Variants in M6PR observed in about 807,000 individuals in gnomAD.
M6PR encodes the protein cation-dependent mannose-6-phosphate receptor.
A neutral mutation model predicts 33.1 loss-of-function variants in M6PR; 19 were observed. The ratio of observed to expected loss-of-function variants is 0.57; its 90% CI spans 0.40 to 0.84. The LOEUF (loss-of-function observed/expected upper bound fraction) is 0.84, where lower values mean the gene tolerates loss of function less well. M6PR is among the 40% of genes least tolerant of loss of function. M6PR has a pLI of 0.00. For synonymous variants in M6PR, 111 were observed against 123.4 expected (o/e 0.90, Z 0.67); for missense variants, 295 against 336.0 (o/e 0.88, Z 0.95).
intron 3 of M6PR, chr12:8,945,199 A>AT: frequency 2.2e-6 from 1 of 464,320 alleles, no homozygotes; most frequent in East Asian, 3.7e-5. Flanking sequence ...TTCATTTTGC[A>AT]TAAGTTTTTC....
Position 8,946,320 on chromosome 12 carries a change from C to G in M6PR, c.85G>C (p.Glu29Gln). Residue 29 changes from glutamate (E) to glutamine (Q), a missense_variant, in exon 2 of 7, where the codon GAA becomes CAA. By Grantham distance (29) the Glu-to-Gln change is conservative (BLOSUM62 2). Transcript: ENST00000000412. ...VAVRESWQTEEKTCDLVGEKG... is the reference protein window; with the variant it reads ...VAVRESWQTEQKTCDLVGEKG... ...TCTCCTACCAAGTCGCAAGTTTTTT[C>G]TTCTGTCTGCCAGGATTCTCTCACT... The G allele has an allele frequency of 6.2e-7, 1 of 1,614,144 alleles. No homozygotes were observed. The highest frequency in any genetic ancestry group is 8.5e-7 in the Non-Finnish European group (1 of 1,180,014).
At chr12:8,947,651 A>C (rs1473879913) in intron 1 of M6PR, among the ~76,000 whole-genome samples, 3 of 152,220 alleles carry the variant, frequency 2.0e-5, no homozygotes, top group Non-Finnish European at 4.4e-5. Flanking sequence ...ATTAATCCTC[A>C]CAACCTTATG....
chr12:8,943,355 TAAAAA>T (rs768254608), intron 5 of M6PR, 45 bp downstream of exon 5: 1 of 1,610,160 alleles, frequency 6.2e-7, no homozygotes, highest in South Asian at 1.1e-5. Context: ...TTACTGACCT[TAAAAA>T]CAAAAGGAAG....
chr12:8,944,010 GT>G, intron 3 of M6PR, 100 bp from the exon 4 acceptor site: 1 of 786,078 alleles, frequency 1.3e-6, no homozygotes, highest in Non-Finnish European at 2.2e-6. Context: ...ATTGCAATTG[GT>G]TATAACTAAA....
At position 8,946,282 on chromosome 12, in the gene M6PR, C is replaced by T. The variant is rs1259612933; in HGVS notation, c.123G>A (p.Glu41=). 2 of 1,614,216 alleles carry T rather than the reference C, an allele frequency of 1.2e-6. No individual in the cohort carries two copies. The highest frequency in any genetic ancestry group is 1.7e-5 in the Admixed American group (1 of 60,028). ...TCACTAGAGCCAACTCTTTCTCTGA[C>T]TCTTTACCCTTTTCTCCTACCAAGT... is the stretch of plus-strand genomic sequence containing the variant. ...TCDLVGEKGK[E]SEKELALVKR... is the part of the protein sequence containing the mutation. The change falls in exon 2 of 7, where the codon GAG becomes GAA. Residue 41 remains glutamate (E), a synonymous_variant. Coordinates refer to ENST00000000412, the MANE Select transcript of M6PR (RefSeq NM_002355.4).
intron 3 of M6PR, 152 bp downstream of exon 3, chr12:8,945,266 A>AG (rs1946077302): frequency 2.8e-6 from 2 of 706,702 alleles, no homozygotes; most frequent in African/African-American, 3.6e-5. Context: ...CTGTGGAATT[A>AG]GGCATCCTGT....
chr12:8,941,612 C>A lies in M6PR; in HGVS notation c.*206G>T, dbSNP rs899123752. On this transcript the variant is annotated 3_prime_UTR_variant, in exon 7 of 7. Coordinates refer to ENST00000000412, the MANE Select transcript of M6PR (RefSeq NM_002355.4). ...CTATTATATTAACTCTGACTTACAA[C>A]TGTACCTCTCTAGAGAAAAAACAGA... 1.6e-5 allele frequency: 9 copies of A among 578,778 alleles called. No homozygotes were observed. The African/African-American group carries it at 1.7e-4, about 11-fold the overall frequency. 35.9% of individuals were successfully genotyped at this position (578,778 alleles called of 1,614,324 possible). A position where few individuals can be genotyped will look rare whatever the true frequency, so the allele number is the denominator to read the frequency against.
chr12:8,946,366 T>A lies in M6PR; in HGVS notation c.39A>T (p.Leu13=), dbSNP rs769178316. Reference sequence around the variant, plus strand: ...TCACTGCCACAGCCAGGAGTAGTAGTAGCAGTCCAGTCCTCCAGCAGCTGT... The same window carrying A: ...TCACTGCCACAGCCAGGAGTAGTAGAAGCAGTCCAGTCCTCCAGCAGCTGT... The part of the protein sequence containing the change: ...PFYSCWRTGL[L]LLLLAVAVRE... Residue 13 remains leucine, a synonymous_variant, in exon 2 of 7, where the codon CTA becomes CTT. Coordinates refer to ENST00000000412, the MANE Select transcript of M6PR (RefSeq NM_002355.4). 1.2e-6 allele frequency: 2 copies of A among 1,614,012 alleles called. No individual in the cohort carries two copies. Among genetic ancestry groups the A allele is most frequent in the Non-Finnish European group, 1.7e-6 (2 of 1,179,972 alleles).
chr12:8,944,191 C>A (rs1164159947), intron 3 of M6PR, among the ~76,000 whole-genome samples: 1 of 152,082 alleles, frequency 6.6e-6, no homozygotes, highest in East Asian at 1.9e-4. Flanking sequence ...ATGATCCATA[C>A]CTTAACACTG....
Position 8,949,203 on chromosome 12 carries a change from A to T in M6PR, c.-2+285T>A, listed in dbSNP as rs941341914. ...CAAAATTCCTCCTACAAATAAATCC[A>T]CCAACACCTCCAACGGACTCCATAC... On this transcript the variant is annotated intron_variant, in intron 1 of 6. Coordinates refer to ENST00000000412, the MANE Select transcript of M6PR (RefSeq NM_002355.4). This position sits in a 1 kb window ranked among gnomAD's most constrained non-coding sequence, Gnocchi z 5.6. Among the ~76,000 whole-genome samples the T allele has an allele frequency of 6.6e-6, 1 of 151,684 alleles. No homozygotes were observed. Among genetic ancestry groups the T allele is most frequent in the African/African-American group, 2.4e-5 (1 of 41,278 alleles).
intron 3 of M6PR, 42 bp from the exon 4 acceptor site, chr12:8,943,952 A>G (rs747281005): frequency 7.6e-6 from 10 of 1,320,316 alleles, no homozygotes; most frequent in Non-Finnish European, 8.7e-6. Flanking sequence ...GGTGGGGGAA[A>G]AGCAGAGGCA....
At chr12:8,942,261 GTAC>G in intron 6 of M6PR, 152 bp downstream of exon 6, 1 of 986,202 alleles carries the variant, frequency 1.0e-6, no homozygotes, top group Non-Finnish European at 1.5e-6. Context: ...TTACTACTCT[GTAC>G]TAGGGCAACT....
intron 1 of M6PR, among the ~76,000 whole-genome samples, chr12:8,947,325 G>C (rs1297916333): frequency 6.6e-6 from 1 of 152,092 alleles, no homozygotes; most frequent in Admixed American, 6.5e-5. Flanking sequence ...TTGAAGATGG[G>C]AAAATGGAAG....
chr12:8,943,730 G>T, intron 4 of M6PR, 71 bp downstream of exon 4: 1 of 1,427,406 alleles, frequency 7.0e-7, no homozygotes, highest in Non-Finnish European at 9.9e-7. Context: ...GTCCCCTCTG[G>T]ATATTCTCCC....
At position 8,945,272 on chromosome 12, in the gene M6PR, C is replaced by T. The variant is rs74794052; in HGVS notation, c.343+146G>A. On this transcript the variant is annotated intron_variant, in intron 3 of 6. Coordinates refer to ENST00000000412, the MANE Select transcript of M6PR (RefSeq NM_002355.4). Reference sequence around the variant, plus strand: ...ACAGAGGAGCTGTGGAATTAGGCATCCTGTGGTATATTACAGTCTCAGGTG... The same window carrying T: ...ACAGAGGAGCTGTGGAATTAGGCATTCTGTGGTATATTACAGTCTCAGGTG... 4,341 of 740,312 alleles carry T rather than the reference C, an allele frequency of 5.9e-3. 144 individuals carry two copies. The African/African-American group carries it at 0.067, about 11-fold the overall frequency. 45.9% of individuals were successfully genotyped at this position (740,312 alleles called of 1,614,324 possible). A position where few individuals can be genotyped will look rare whatever the true frequency, so the allele number is the denominator to read the frequency against.
chr12:8,944,000 ATTGCAAT>A, intron 3 of M6PR, 90 bp from the exon 4 acceptor site: 1 of 831,438 alleles, frequency 1.2e-6, no homozygotes, highest in Admixed American at 1.8e-5. Flanking sequence ...TGCGTAATTC[ATTGCAAT>A]TGGTTATAAC....
At position 8,946,289 on chromosome 12, in the gene M6PR, C is replaced by T. The variant is rs1486007866; in HGVS notation, c.116G>A (p.Gly39Asp). Residue 39 changes from glycine (G) to aspartate (D), a missense_variant, in exon 2 of 7, where the codon GGT becomes GAT. Transcript: ENST00000000412. ...EKTCDLVGEK[G>D]KESEKELALV... ...AGCCAACTCTTTCTCTGACTCTTTA[C>T]CCTTTTCTCCTACCAAGTCGCAAGT... 6.2e-7 allele frequency: 1 copy of T among 1,614,142 alleles called. No individual in the cohort carries two copies. Among genetic ancestry groups the T allele is most frequent in the South Asian group, 1.1e-5 (1 of 91,084 alleles).
intron 4 of M6PR, 129 bp from the exon 5 acceptor site, chr12:8,943,664 C>T: frequency 1.5e-6 from 2 of 1,373,282 alleles, no homozygotes; most frequent in Middle Eastern, 2.3e-4. Flanking sequence ...AGATGCGTGT[C>T]TGACACAGAG....
chr12:8,942,517 C>T lies in M6PR; in HGVS notation c.610G>A (p.Val204Ile), dbSNP rs781263673. 1.4e-5 allele frequency: 22 copies of T among 1,614,160 alleles called. No homozygotes were observed. The highest frequency in any genetic ancestry group is 2.2e-5 in the East Asian group (1 of 44,888). The change falls in exon 6 of 7, where the codon GTT becomes ATT. Residue 204 changes from valine (V) to isoleucine (I), a missense_variant. By Grantham distance (29) the Val-to-Ile change is conservative. Transcript: ENST00000000412. ...CGCTGGTATAGGAACCCCCCAACAACATAAACAGCAACCAGTGATGCAAAC... is the reference window on the plus strand; with the variant it reads ...CGCTGGTATAGGAACCCCCCAACAATATAAACAGCAACCAGTGATGCAAAC... ...VTFASLVAVY[V>I]VGGFLYQRLV...
Sources: gnomAD v4.1 joint callset for allele counts (sites outside exome capture counted in the v4.1 genomes callset) on GRCh38, gnomAD v4.1.1 for gene constraint, Gnocchi (gnomAD v3.1) non-coding constraint, MANE v1.5 for transcripts, NCBI Gene and HGNC (gene_info 2026-07-23, HGNC 2026-07-21) for gene names.